KCNIP4: variants seen among roughly 807,000 people sequenced by gnomAD.
KCNIP4 encodes the protein potassium voltage-gated channel interacting protein 4.
Under a neutral mutation model 34.0 loss-of-function variants are expected in KCNIP4, and 12 were observed. The observed-to-expected ratio is 0.35, with a 90% CI of 0.23 to 0.57. The LOEUF is 0.57. Among genes scored for constraint, KCNIP4 ranks in the 20% least tolerant of loss-of-function variants. KCNIP4 has a pLI of 0.83. For missense variants in KCNIP4, 238 were observed against 311.7 expected, an observed-to-expected ratio of 0.76 and a Z score of 1.78; for synonymous variants, 124 against 102.2, an observed-to-expected ratio of 1.21 and a Z score of -1.29.
At chr4:21,564,472 T>C (rs1188192649) in intron 1 of KCNIP4, among the ~76,000 whole-genome samples, 1 of 152,084 alleles carries the variant, frequency 6.6e-6, no homozygotes, top group Non-Finnish European at 1.5e-5. Context: ...GGATCATAAG[T>C]GGGGGACCTT....
intron 1 of KCNIP4, among the ~76,000 whole-genome samples, chr4:21,778,854 C>T (rs1719374156): frequency 6.6e-6 from 1 of 152,074 alleles, no homozygotes; most frequent in Non-Finnish European, 1.5e-5. Flanking sequence ...GTGCAAATTC[C>T]AACTCAGTCA....
intron 1 of KCNIP4, among the ~76,000 whole-genome samples, chr4:21,220,700 C>T (rs1034514253): frequency 2.0e-5 from 3 of 152,066 alleles, no homozygotes; most frequent in South Asian, 4.2e-4. Context: ...AACACAGAAT[C>T]AAAGAAGAGG....
chr4:21,119,805 G>A (rs942324809), intron 1 of KCNIP4, among the ~76,000 whole-genome samples: 16 of 152,106 alleles, frequency 1.1e-4, no homozygotes, highest in African/African-American at 3.6e-4. Context: ...TAGAAACTGA[G>A]AGGCAAATGA....
At chr4:21,581,847 C>T (rs1009797967) in intron 1 of KCNIP4, among the ~76,000 whole-genome samples, 1 of 151,882 alleles carries the variant, frequency 6.6e-6, no homozygotes, top group African/African-American at 2.4e-5. Context: ...CAAATACCCC[C>T]TATTTACACA....
At chr4:21,415,642 T>C (rs923636822) in intron 1 of KCNIP4, among the ~76,000 whole-genome samples, 3 of 152,058 alleles carry the variant, frequency 2.0e-5, no homozygotes, top group Non-Finnish European at 4.4e-5. Flanking sequence ...ACAGAGGTTG[T>C]AGTGAGCTGA....
At chr4:21,674,459 T>C (rs576995680) in intron 1 of KCNIP4, among the ~76,000 whole-genome samples, 99 of 152,232 alleles carry the variant, frequency 6.5e-4, no homozygotes, top group Non-Finnish European at 1.2e-3. Context: ...CCATAATGGC[T>C]ACAAGTGGGT....
intron 1 of KCNIP4, among the ~76,000 whole-genome samples, chr4:21,306,311 A>T (rs772813395): frequency 6.6e-6 from 1 of 152,242 alleles, no homozygotes; most frequent in Non-Finnish European, 1.5e-5. Flanking sequence ...AAATATTGGC[A>T]CAAGTGCTTA....
At chr4:21,211,912 T>C (rs1360286068) in intron 1 of KCNIP4, among the ~76,000 whole-genome samples, 1 of 151,016 alleles carries the variant, frequency 6.6e-6, no homozygotes, top group Non-Finnish European at 1.5e-5. Context: ...ATTGGAGATC[T>C]TTTCTTTCAT....
chr4:21,870,204 G>A lies in KCNIP4; in HGVS notation c.61+78367C>T, dbSNP rs755107392. Reference sequence around the variant, plus strand: ...GGTAAACTCTTTTGCATTCCTATACGATACCACCAGACCGCCAGATGGTTA... The same window carrying A: ...GGTAAACTCTTTTGCATTCCTATACAATACCACCAGACCGCCAGATGGTTA... On this transcript the variant is annotated intron_variant, in intron 1 of 8. Transcript: ENST00000382152. Among the ~76,000 whole-genome samples the A allele has an allele frequency of 2.2e-4, 33 of 152,074 alleles. 1 individual carries two copies. The highest frequency in any genetic ancestry group is 1.8e-4 in the Non-Finnish European group (12 of 68,028).
In KCNIP4 at chr4:20,730,074, T is replaced by G; in HGVS notation, c.*8A>C. The stretch of plus-strand genomic sequence containing the variant: ...TTTGTCTGTTGGATTCAGGATCTAT[T>G]TGACAAGTTAAATCACATTTTCAAA... On this transcript the variant is annotated 3_prime_UTR_variant, in exon 9 of 9. Transcript: ENST00000382152. 6.2e-7 allele frequency: 1 copy of G among 1,607,290 alleles called. No individual in the cohort carries two copies. The highest frequency in any genetic ancestry group is 8.5e-7 in the Non-Finnish European group (1 of 1,177,708).
At chr4:21,692,822 C>T (rs1388420773) in intron 1 of KCNIP4, among the ~76,000 whole-genome samples, 2 of 145,772 alleles carry the variant, frequency 1.4e-5, no homozygotes, top group Non-Finnish European at 3.0e-5. Context: ...ATAGAAAATC[C>T]TGTCATTTTT....
intron 1 of KCNIP4, among the ~76,000 whole-genome samples, chr4:21,515,434 C>T (rs1422231343): frequency 1.3e-5 from 2 of 151,990 alleles, no homozygotes; most frequent in Admixed American, 6.6e-5. Flanking sequence ...GTCAGGAAAT[C>T]GAGACCATCC....
chr4:20,882,089 T>C (rs1028868587), intron 2 of KCNIP4, among the ~76,000 whole-genome samples: 2 of 152,212 alleles, frequency 1.3e-5, no homozygotes, highest in African/African-American at 4.8e-5. Flanking sequence ...CATGAGTATG[T>C]ATTGGTTCTG....
intron 1 of KCNIP4, among the ~76,000 whole-genome samples, chr4:21,166,413 G>A (rs933943630): frequency 1.8e-4 from 27 of 152,148 alleles, no homozygotes; most frequent in African/African-American, 6.5e-4. Flanking sequence ...ATCATACCAA[G>A]TATGGTGAGG....
At chr4:21,836,324 A>G (rs1723315073) in intron 1 of KCNIP4, among the ~76,000 whole-genome samples, 1 of 152,184 alleles carries the variant, frequency 6.6e-6, no homozygotes, top group Non-Finnish European at 1.5e-5. Flanking sequence ...TTGTACATCA[A>G]CAGCTTTTGC....
At chr4:21,291,031 C>T (rs1763423210) in intron 1 of KCNIP4, among the ~76,000 whole-genome samples, 3 of 152,172 alleles carry the variant, frequency 2.0e-5, no homozygotes, top group Admixed American at 2.0e-4. Flanking sequence ...GATCACACAG[C>T]TTGTTAGAGC....
chr4:21,376,211 G>A (rs1720948315), intron 1 of KCNIP4, among the ~76,000 whole-genome samples: 1 of 152,152 alleles, frequency 6.6e-6, no homozygotes, highest in Admixed American at 6.5e-5. Flanking sequence ...AATTTAAAAA[G>A]ATAACACTTG....
chr4:21,321,482 C>A (rs1714409245), intron 1 of KCNIP4, among the ~76,000 whole-genome samples: 1 of 151,782 alleles, frequency 6.6e-6, no homozygotes. Context: ...CAAGATAGAA[C>A]TAGTAAGAAA....
chr4:21,622,465 T>A (rs1368898764), intron 1 of KCNIP4, among the ~76,000 whole-genome samples: 3 of 152,118 alleles, frequency 2.0e-5, no homozygotes, highest in Non-Finnish European at 4.4e-5. Flanking sequence ...TTCCCCAGAG[T>A]ATTTCAGAAA....
Sources: gnomAD v4.1 joint callset for allele counts (sites outside exome capture counted in the v4.1 genomes callset) on GRCh38, gnomAD v4.1.1 for gene constraint, MANE v1.5 for transcripts, NCBI Gene and HGNC (gene_info 2026-07-23, HGNC 2026-07-21) for gene names.